Variants in TRAF3IP3 observed in about 807,000 individuals in gnomAD.
TRAF3IP3 encodes the protein TRAF3-interacting JNK-activating modulator.
A neutral mutation model predicts 86.5 loss-of-function variants in TRAF3IP3; 64 were observed. The ratio of observed to expected loss-of-function variants is 0.74; its 90% CI spans 0.60 to 0.91. The LOEUF (loss-of-function observed/expected upper bound fraction) is 0.91. Among genes scored for constraint, TRAF3IP3 ranks in the 40% least tolerant of loss-of-function variants. TRAF3IP3 has a pLI of 0.00. For synonymous variants in TRAF3IP3, 220 were observed against 243.9 expected, an observed-to-expected ratio of 0.90 and a Z score of 0.91; for missense variants, 579 against 642.9, an observed-to-expected ratio of 0.90 and a Z score of 1.07.
In TRAF3IP3 at chr1:209,760,218, C is replaced by G. The variant is rs761808883; in HGVS notation, c.179C>G (p.Ala60Gly). The G allele has an allele frequency of 4.0e-5, 65 of 1,614,114 alleles. No individual in the cohort carries two copies. Among genetic ancestry groups the G allele is most frequent in the African/African-American group, 6.7e-5 (5 of 74,936 alleles). ...CAACAGAGAGAGCAGCTCCAGAGAG[C>G]TCGACTGCAGCAGTTCTTCAGGAGG... ...RIQQREQLQR[A>G]RLQQFFRRRN... Residue 60 changes from alanine (A) to glycine (G), a missense_variant, in exon 3 of 17, where the codon GCT (alanine) becomes GGT (glycine). Physicochemically the swap from Ala to Gly is moderately conservative, Grantham distance 60 (BLOSUM62 0). Coordinates refer to ENST00000367025, the MANE Select transcript of TRAF3IP3 (RefSeq NM_025228.4).
intron 8 of TRAF3IP3, among the ~76,000 whole-genome samples, chr1:209,769,298 T>G (rs2077418381): frequency 1.3e-5 from 2 of 152,140 alleles, no homozygotes; most frequent in Non-Finnish European, 2.9e-5. Context: ...TCAGGACCTG[T>G]GGATTGACAA....
At chr1:209,768,744 A>G in intron 8 of TRAF3IP3, 1 of 968,188 alleles carries the variant, frequency 1.0e-6, no homozygotes, top group Non-Finnish European at 1.2e-6. Context: ...CTAACTGCCT[A>G]GAATGTCAGC....
chr1:209,770,594 G>A (rs2077455054), intron 8 of TRAF3IP3, among the ~76,000 whole-genome samples: 1 of 140,110 alleles, frequency 7.1e-6, no homozygotes, highest in Non-Finnish European at 1.6e-5. Flanking sequence ...AGGTGTATCT[G>A]TGCATGTGGA....
intron 14 of TRAF3IP3, chr1:209,779,721 C>T: frequency 1.7e-6 from 1 of 580,788 alleles, no homozygotes; most frequent in Non-Finnish European, 3.1e-6. Context: ...CCCCAAACCA[C>T]ATAGCAGTCC....
intron 8 of TRAF3IP3, among the ~76,000 whole-genome samples, chr1:209,770,328 GGT>G (rs1181779823): frequency 1.3e-5 from 2 of 152,084 alleles, no homozygotes; most frequent in Non-Finnish European, 2.9e-5. Flanking sequence ...TGCAGGTGGA[GGT>G]GTGTGTGTGG....
At chr1:209,765,668 AAAAAAG>A (rs1360388253) in intron 8 of TRAF3IP3, among the ~76,000 whole-genome samples, 1 of 152,224 alleles carries the variant, frequency 6.6e-6, no homozygotes, top group Non-Finnish European at 1.5e-5. Flanking sequence ...ACTCTGTCTC[AAAAAAG>A]AAAAAGAAAA....
chr1:209,779,840 T>G (rs1378020494), intron 14 of TRAF3IP3: 1 of 264,468 alleles, frequency 3.8e-6, no homozygotes, highest in Non-Finnish European at 7.2e-6. Context: ...CACACGACCT[T>G]TTGTTTTCTC....
intron 8 of TRAF3IP3, among the ~76,000 whole-genome samples, 169 bp downstream of exon 8, chr1:209,763,756 G>A (rs2077290349): frequency 6.6e-6 from 1 of 152,120 alleles, no homozygotes. Flanking sequence ...AAGTCAAACA[G>A]GTCACAATAA....
chr1:209,760,105 G>A lies in TRAF3IP3; in HGVS notation c.66G>A (p.Lys22=). 6.2e-7 allele frequency: 1 copy of A among 1,614,210 alleles called. No individual in the cohort carries two copies. The highest frequency in any genetic ancestry group is 8.5e-7 in the Non-Finnish European group (1 of 1,180,034). Reference sequence around the variant, plus strand: ...GGTGGGCTGAGAGCTATGAGGCCAAGTGTGAGCGCAGGCAAGAGATCCGTG... The same window carrying A: ...GGTGGGCTGAGAGCTATGAGGCCAAATGTGAGCGCAGGCAAGAGATCCGTG... ...LARWAESYEA[K]CERRQEIRES... The change falls in exon 3 of 17, where the codon AAG becomes AAA. Residue 22 remains lysine (K), a synonymous_variant. Transcript: ENST00000367025.
chr1:209,780,349 T>C, intron 14 of TRAF3IP3, 121 bp from the exon 15 acceptor site: 1 of 904,588 alleles, frequency 1.1e-6, no homozygotes, highest in Non-Finnish European at 1.6e-6. Context: ...GCCATCAGTC[T>C]AGCCAAGAGC....
chr1:209,763,264 G>T, intron 6 of TRAF3IP3, 99 bp from the exon 7 acceptor site: 2 of 1,455,992 alleles, frequency 1.4e-6, no homozygotes, highest in Non-Finnish European at 1.9e-6. Flanking sequence ...CAAAGCAGAA[G>T]AGGTTTGCTC....
chr1:209,762,837 C>T lies in TRAF3IP3; in HGVS notation c.518C>T (p.Pro173Leu). Residue 173 changes from proline to leucine, a missense_variant, in exon 5 of 17, where the codon CCA (proline) becomes CTA (leucine). Physicochemically the swap from Pro to Leu is moderately conservative, Grantham distance 98 (BLOSUM62 -3). Coordinates refer to ENST00000367025, the MANE Select transcript of TRAF3IP3 (RefSeq NM_025228.4). ...HRGTQTKAEG[P>L]TIKNDASQQT... is the part of the protein sequence containing the mutation. ...GGTACTCAGACAAAGGCAGAAGGACCAACAATTAAGAACGATGCCAGTCAG... is the reference window on the plus strand; with the variant it reads ...GGTACTCAGACAAAGGCAGAAGGACTAACAATTAAGAACGATGCCAGTCAG... 3.1e-6 allele frequency: 5 copies of T among 1,614,154 alleles called. No homozygotes were observed. The highest frequency in any genetic ancestry group is 1.1e-5 in the South Asian group (1 of 91,080).
At chr1:209,770,701 G>A (rs2077461778) in intron 8 of TRAF3IP3, among the ~76,000 whole-genome samples, 1 of 147,332 alleles carries the variant, frequency 6.8e-6, no homozygotes. Context: ...GCATGTGGAG[G>A]TGTGTGTGTG....
At chr1:209,781,092 G>T in intron 15 of TRAF3IP3, 1 of 240,010 alleles carries the variant, frequency 4.2e-6, no homozygotes, top group Non-Finnish European at 8.2e-6. Context: ...GCACTTGCAC[G>T]TAAAGTCATA....
Position 209,782,071 on chromosome 1 carries a change from T to C in TRAF3IP3, c.1579T>C (p.Trp527Arg), listed in dbSNP as rs1158168107. The C allele has an allele frequency of 1.9e-6, 3 of 1,614,172 alleles. No individual in the cohort carries two copies. The highest frequency in any genetic ancestry group is 2.5e-6 in the Non-Finnish European group (3 of 1,180,002). ...CCCCCTACAGAGGCAATGTGGGCGA[T>C]GGCTCCCAGTGCTGATGGTGGTGAT... ...QLPPRRQCGR[W>R]LPVLMVVIAA... Residue 527 changes from tryptophan to arginine, a missense_variant, in exon 17 of 17, where the codon TGG becomes CGG. Trp to Arg is a moderately radical substitution (Grantham distance 101, BLOSUM62 -3). Transcript: ENST00000367025.
chr1:209,781,481 T>A lies in TRAF3IP3; in HGVS notation c.1563+23T>A, dbSNP rs76759084. 2.3e-3 allele frequency: 3,521 copies of A among 1,558,936 alleles called. 64 individuals are homozygous for A. In the African/African-American group the frequency reaches 0.041, roughly 18 times the overall value. ...AGAGTAAGAGGGTCTCTCCTTCCCA[T>A]AAAGCCCTGGATGATGGGACGATTC... On this transcript the variant is annotated intron_variant, in intron 16 of 16. Transcript: ENST00000367025.
At chr1:209,763,470 C>T (rs2077284694) in intron 7 of TRAF3IP3, 22 bp from the exon 8 acceptor site, 4 of 1,613,558 alleles carry the variant, frequency 2.5e-6, no homozygotes, top group East Asian at 2.2e-5. Context: ...TACCCTCTTG[C>T]ACTTTGTGCC....
chr1:209,773,233 C>G (rs1365497824), intron 9 of TRAF3IP3, among the ~76,000 whole-genome samples: 1 of 152,196 alleles, frequency 6.6e-6, no homozygotes, highest in Non-Finnish European at 1.5e-5. Flanking sequence ...CTCCCAGTAT[C>G]CTTCTCTTTG....
chr1:209,780,672 C>G, intron 15 of TRAF3IP3, 66 bp downstream of exon 15: 1 of 1,395,782 alleles, frequency 7.2e-7, no homozygotes, highest in Non-Finnish European at 9.5e-7. Flanking sequence ...GGGAGGCAGT[C>G]AAAAAGCAGG....
Sources: allele counts gnomAD v4.1 joint callset (sites outside exome capture counted in the v4.1 genomes callset), GRCh38; gene constraint gnomAD v4.1.1; transcripts MANE v1.5; gene names NCBI Gene and HGNC (gene_info 2026-07-23, HGNC 2026-07-21).